Variants in HTR1F observed in about 807,000 individuals in gnomAD.
The protein encoded by HTR1F is 5-hydroxytryptamine (serotonin) receptor 1F, G protein-coupled.
HTR1F carries 17 observed loss-of-function variants against 24.0 expected under a neutral mutation model. The observed-to-expected ratio is 0.71, with a 90% CI of 0.48 to 1.06. The LOEUF (loss-of-function observed/expected upper bound fraction) is 1.06. Among genes scored for constraint, HTR1F ranks in the 50% least tolerant of loss-of-function variants. HTR1F has a pLI of 0.00. For synonymous variants in HTR1F, 186 were observed against 156.8 expected (o/e 1.19, Z -1.39); for missense variants, 391 against 427.8 (o/e 0.91, Z 0.76).
chr3:87,835,292 AACCCC>A (rs1430045075), intron 2 of HTR1F, among the ~76,000 whole-genome samples: 2 of 138,078 alleles, frequency 1.4e-5, no homozygotes, highest in Non-Finnish European at 3.1e-5. Flanking sequence ...CCGCAAACCC[AACCCC>A]ACCCCCAGGG....
intron 2 of HTR1F, among the ~76,000 whole-genome samples, chr3:87,961,898 T>C (rs1196840481): frequency 1.3e-5 from 2 of 152,046 alleles, no homozygotes; most frequent in East Asian, 3.9e-4. Flanking sequence ...GCAGGCTAAA[T>C]TTGAATTTCA....
intron 2 of HTR1F, among the ~76,000 whole-genome samples, chr3:87,981,415 G>A (rs757174275): frequency 4.6e-5 from 7 of 152,022 alleles, no homozygotes; most frequent in African/African-American, 9.7e-5. Flanking sequence ...CGCTAGTCTC[G>A]AACTCTTGAG....
Position 87,841,397 on chromosome 3 carries a change from C to T in HTR1F, c.-43+19273C>T, listed in dbSNP as rs571548487. Among the ~76,000 whole-genome samples, 37 of 151,786 alleles carry T rather than the reference C, an allele frequency of 2.4e-4. No individual in the cohort carries two copies. The South Asian group carries it at 4.6e-3, about 19-fold the overall frequency. ...CAATCCTTTTAATCAAATCTGGCAG[C>T]GAATATTCTTTTTTACTTACGATTG... On this transcript the variant is annotated intron_variant, in intron 2 of 2. Coordinates refer to ENST00000319595, the MANE Select transcript of HTR1F (RefSeq NM_001322209.2).
chr3:87,849,303 G>T (rs1378096804), intron 2 of HTR1F, among the ~76,000 whole-genome samples: 2 of 151,412 alleles, frequency 1.3e-5, no homozygotes, highest in Non-Finnish European at 2.9e-5. Flanking sequence ...AAATAATGCC[G>T]CATATCTACA....
intron 2 of HTR1F, among the ~76,000 whole-genome samples, chr3:87,924,456 G>T (rs180695301): frequency 1.1e-3 from 163 of 152,102 alleles, no homozygotes; most frequent in African/African-American, 3.8e-3. Flanking sequence ...TTGTATGTCT[G>T]TTCTACCAGT....
chr3:87,886,880 C>T (rs1299971771), intron 2 of HTR1F, among the ~76,000 whole-genome samples: 10 of 152,090 alleles, frequency 6.6e-5, no homozygotes, highest in East Asian at 3.8e-4. Flanking sequence ...GAATCAATAT[C>T]GTGAAAATGG....
chr3:87,813,376 G>A (rs1198632060), intron 1 of HTR1F, among the ~76,000 whole-genome samples: 1 of 152,110 alleles, frequency 6.6e-6, no homozygotes, highest in Non-Finnish European at 1.5e-5. Flanking sequence ...TTCACCATTT[G>A]GAATGGGAGC....
At chr3:87,919,590 T>A (rs1192458858) in intron 2 of HTR1F, among the ~76,000 whole-genome samples, 1 of 151,910 alleles carries the variant, frequency 6.6e-6, no homozygotes, top group South Asian at 2.1e-4. Context: ...AAAGAAGATA[T>A]ACAAATGACC....
chr3:87,822,910 C>A (rs1360171942), intron 2 of HTR1F, among the ~76,000 whole-genome samples: 1 of 152,180 alleles, frequency 6.6e-6, no homozygotes, highest in African/African-American at 2.4e-5. Context: ...TATCAATTAG[C>A]CTCTCTGAAT....
At chr3:87,850,451 C>T (rs1705059853) in intron 2 of HTR1F, among the ~76,000 whole-genome samples, 8 of 151,558 alleles carry the variant, frequency 5.3e-5, no homozygotes, top group Admixed American at 5.3e-4. Context: ...CACACCGGGG[C>T]CTGTTGTGGG....
chr3:87,859,899 G>T (rs991133776), intron 2 of HTR1F, among the ~76,000 whole-genome samples: 1 of 152,174 alleles, frequency 6.6e-6, no homozygotes, highest in Non-Finnish European at 1.5e-5. Flanking sequence ...TTCATCCAGA[G>T]ATCAAAATCA....
chr3:87,908,069 T>A (rs1270511522), intron 2 of HTR1F, among the ~76,000 whole-genome samples: 1 of 152,024 alleles, frequency 6.6e-6, no homozygotes, highest in Non-Finnish European at 1.5e-5. Context: ...TTTTCGAATC[T>A]TTCCATAAGT....
At chr3:87,866,687 T>C (rs1705433150) in intron 2 of HTR1F, among the ~76,000 whole-genome samples, 1 of 150,222 alleles carries the variant, frequency 6.7e-6, no homozygotes, top group East Asian at 1.9e-4. Flanking sequence ...CAAGTGCATT[T>C]CCTGCAAAAT....
rs57777775 is a variant in HTR1F at position 87,822,310 on chromosome 3, G to T, written c.-43+186G>T. On this transcript the variant is annotated intron_variant, in intron 2 of 2. Coordinates refer to ENST00000319595, the MANE Select transcript of HTR1F (RefSeq NM_001322209.2). ...TCACTAATGGCCAATAGTGTTTCAA[G>T]GTGAAAGGAAGGATGGGTCCAGGAG... 4.6e-5 allele frequency among the ~76,000 whole-genome samples: 7 copies of T among 152,250 alleles called. No homozygotes were observed. In the South Asian group the frequency reaches 1.5e-3, roughly 32 times the overall value.
intron 2 of HTR1F, among the ~76,000 whole-genome samples, chr3:87,848,941 C>T (rs1219887543): frequency 1.3e-5 from 2 of 151,380 alleles, no homozygotes; most frequent in Non-Finnish European, 2.9e-5. Flanking sequence ...CAAACCACTG[C>T]TCAATGAAAT....
At chr3:87,953,821 T>A (rs1340534445) in intron 2 of HTR1F, among the ~76,000 whole-genome samples, 2 of 151,682 alleles carry the variant, frequency 1.3e-5, no homozygotes, top group South Asian at 2.1e-4. Context: ...AAAGAAAATG[T>A]GGTAAATATA....
chr3:87,905,268 C>T (rs1198585371), intron 2 of HTR1F, among the ~76,000 whole-genome samples: 1 of 151,834 alleles, frequency 6.6e-6, no homozygotes, highest in Admixed American at 6.6e-5. Flanking sequence ...TATGATCACG[C>T]CAGTGCCACT....
intron 1 of HTR1F, among the ~76,000 whole-genome samples, chr3:87,820,451 C>G (rs1455699599): frequency 6.6e-6 from 1 of 152,004 alleles, no homozygotes; most frequent in East Asian, 1.9e-4. Flanking sequence ...GCTGGGATTA[C>G]AGGCGTGAGC....
Position 87,906,021 on chromosome 3 carries a change from G to A in HTR1F, c.-43+83897G>A, listed in dbSNP as rs541684866. Among the ~76,000 whole-genome samples, 3 of 152,144 alleles carry A rather than the reference G, an allele frequency of 2.0e-5. No individual in the cohort carries two copies. The East Asian group carries it at 5.8e-4, about 29-fold the overall frequency. On this transcript the variant is annotated intron_variant, in intron 2 of 2. Coordinates refer to ENST00000319595, the MANE Select transcript of HTR1F (RefSeq NM_001322209.2). ...TTCTTGACCTGGATGATTGTTACAA[G>A]AATGTTCACCTTATAAGGATTAATT... is the stretch of plus-strand genomic sequence containing the variant.
Sources: allele counts gnomAD v4.1 joint callset (sites outside exome capture counted in the v4.1 genomes callset), GRCh38; gene constraint gnomAD v4.1.1; transcripts MANE v1.5; gene names NCBI Gene and HGNC (gene_info 2026-07-23, HGNC 2026-07-21).